Variants in USP48 observed in about 807,000 individuals in gnomAD.
USP48 encodes the protein ubiquitin specific peptidase 48.
Under a neutral mutation model 150.7 loss-of-function variants are expected in USP48, and 43 were observed. That is an observed-to-expected ratio of 0.29 (90% CI 0.22 to 0.37). USP48 has a LOEUF of 0.37. USP48 is among the 10% of genes least tolerant of loss of function. The pLI is 1.00. For missense variants in USP48, 813 were observed against 1,249.6 expected (o/e 0.65, Z 5.27); for synonymous variants, 396 against 425.9 (o/e 0.93, Z 0.86).
At chr1:21,738,524 G>A (rs987240842) in intron 8 of USP48, among the ~76,000 whole-genome samples, 1 of 150,324 alleles carries the variant, frequency 6.7e-6, no homozygotes, top group Non-Finnish European at 1.5e-5. Context: ...GCCTGGCTAA[G>A]TTTTTGTATT....
At chr1:21,707,949 G>C (rs1368711833) in intron 15 of USP48, among the ~76,000 whole-genome samples, 1 of 152,124 alleles carries the variant, frequency 6.6e-6, no homozygotes, top group Non-Finnish European at 1.5e-5. Flanking sequence ...TGGATCACTT[G>C]TCAGGAGTTT....
At chr1:21,708,372 C>T (rs2097679325) in intron 15 of USP48, among the ~76,000 whole-genome samples, 1 of 151,904 alleles carries the variant, frequency 6.6e-6, no homozygotes, top group Admixed American at 6.6e-5. Context: ...GTGGCAGGCA[C>T]CTGTAATCTC....
chr1:21,707,261 C>A (rs1007572241), intron 15 of USP48, among the ~76,000 whole-genome samples: 6 of 152,212 alleles, frequency 3.9e-5, no homozygotes, highest in Non-Finnish European at 8.8e-5. Context: ...TACATCTACT[C>A]CCACACTCAA....
chr1:21,682,636 G>A (rs1571665542), intron 25 of USP48, among the ~76,000 whole-genome samples: 2 of 152,100 alleles, frequency 1.3e-5, no homozygotes, highest in African/African-American at 4.8e-5. Context: ...CAGCACACTG[G>A]GAGGCCGAGG....
At position 21,679,283 on chromosome 1, in the gene USP48, T is replaced by C. The variant is rs1018823123; in HGVS notation, c.*134A>G. 1.4e-5 allele frequency: 16 copies of C among 1,121,580 alleles called. No homozygotes were observed. The African/African-American group carries it at 1.7e-4, about 12-fold the overall frequency. The allele number at this position is 1,121,580 out of a possible 1,614,324, so 69.5% of individuals were successfully genotyped here. On this transcript the variant is annotated 3_prime_UTR_variant, in exon 27 of 27. Transcript: ENST00000308271. ...CATAAGGCATTTGGGACAGTCACGT[T>C]TGAATGGATTTCTGCCTTTTGGAAG...
chr1:21,699,070 C>T lies in USP48; in HGVS notation c.2727+2428G>A, dbSNP rs562532007. Among the ~76,000 whole-genome samples the T allele has an allele frequency of 9.2e-5, 14 of 152,168 alleles. No individual in the cohort carries two copies. The East Asian group carries it at 2.1e-3, about 23-fold the overall frequency. ...ACATGCACAGAGTCTTGCTCTGTCG[C>T]CCAAGCTGGAGTGCAGTGGCACAAT... is the stretch of plus-strand genomic sequence containing the variant. On this transcript the variant is annotated intron_variant, in intron 22 of 26. Coordinates refer to ENST00000308271, the MANE Select transcript of USP48 (RefSeq NM_032236.8).
At chr1:21,743,525 T>C (rs1338569274) in intron 8 of USP48, among the ~76,000 whole-genome samples, 1 of 152,084 alleles carries the variant, frequency 6.6e-6, no homozygotes, top group Non-Finnish European at 1.5e-5. Flanking sequence ...TGGGTTACGC[T>C]GTGGCTGGCA....
At chr1:21,754,566 T>TCCC (rs2152595130) in intron 3 of USP48, among the ~76,000 whole-genome samples, 1 of 152,186 alleles carries the variant, frequency 6.6e-6, no homozygotes, top group South Asian at 2.1e-4. Context: ...TGCAAATACT[T>TCCC]CTCCTTTGCC....
At chr1:21,695,336 G>C in intron 22 of USP48, 115 bp from the exon 23 acceptor site, 1 of 1,106,732 alleles carries the variant, frequency 9.0e-7, no homozygotes, top group Non-Finnish European at 1.2e-6. Flanking sequence ...TTAACTATTT[G>C]AAATTCAATG....
chr1:21,761,950 A>T lies in USP48; in HGVS notation c.135-4167T>A, dbSNP rs1243852142. Among the ~76,000 whole-genome samples, 4 of 152,320 alleles carry T rather than the reference A, an allele frequency of 2.6e-5. No homozygotes were observed. The East Asian group carries it at 7.7e-4, about 29-fold the overall frequency. On this transcript the variant is annotated intron_variant, in intron 1 of 26. Transcript: ENST00000308271. ...GCTTATAACTCATCTCTAATGGGAA[A>T]GGTCTACTATAAGAGAGTTAAAGAA...
chr1:21,779,109 T>C (rs1471587974), intron 1 of USP48, among the ~76,000 whole-genome samples: 1 of 151,956 alleles, frequency 6.6e-6, no homozygotes, highest in East Asian at 1.9e-4. Flanking sequence ...AGCCTCGTGT[T>C]GTGGCATGTG....
At chr1:21,764,465 G>A (rs112401853) in intron 1 of USP48, among the ~76,000 whole-genome samples, 11,284 of 150,480 alleles carry the variant, frequency 0.075, 484 homozygotes, top group Middle Eastern at 0.11. Context: ...CCTGGGCGCA[G>A]TGGGAGGCCG....
At chr1:21,701,042 T>G (rs7553642) in intron 22 of USP48, among the ~76,000 whole-genome samples, 112,084 of 137,194 alleles carry the variant, frequency 0.82, 46,285 homozygotes, top group Admixed American at 0.88. Flanking sequence ...TCCAGCCTGG[T>G]TGACAAGGCT....
intron 21 of USP48, 67 bp downstream of exon 21, chr1:21,703,445 C>T (rs912987795): frequency 7.7e-7 from 1 of 1,299,456 alleles, no homozygotes; most frequent in Non-Finnish European, 1.1e-6. Flanking sequence ...AGTGCAAATA[C>T]AACAGCAAAT....
intron 1 of USP48, among the ~76,000 whole-genome samples, chr1:21,776,592 CAAAAAAAAAAAAAAAA>C (rs59309344): frequency 3.4e-5 from 2 of 57,992 alleles, no homozygotes; most frequent in Non-Finnish European, 2.9e-5. Context: ...TGTCTTGTCT[CAAAAAAAAAAAAAAAA>C]AAAAAAAAAA....
chr1:21,729,618 C>A, intron 10 of USP48, 86 bp downstream of exon 10: 1 of 1,457,188 alleles, frequency 6.9e-7, no homozygotes, highest in Non-Finnish European at 9.3e-7. Flanking sequence ...ATCATAGTAA[C>A]TAAAAGCAAT....
chr1:21,772,657 C>T (rs1238104458), intron 1 of USP48, among the ~76,000 whole-genome samples: 7 of 150,484 alleles, frequency 4.7e-5, no homozygotes, highest in Admixed American at 2.6e-4. Context: ...CGTGGTGGCT[C>T]GCGCCTATAA....
chr1:21,695,647 T>C (rs1264696998), intron 22 of USP48, among the ~76,000 whole-genome samples: 1 of 152,164 alleles, frequency 6.6e-6, no homozygotes, highest in Non-Finnish European at 1.5e-5. Context: ...GGTTCCAGGC[T>C]GCAGTGAGCT....
rs1042157085 is a variant in USP48 at position 21,783,145 on chromosome 1, G to A, written c.-188C>T. On this transcript the variant is annotated 5_prime_UTR_variant, in exon 1 of 27. Coordinates refer to ENST00000308271, the MANE Select transcript of USP48 (RefSeq NM_032236.8). ...CGCCCGCGCCCGACCCGCACGACCG[G>A]CCGCAAAGCGCCGCCGTCGACACCC... is the stretch of plus-strand genomic sequence containing the variant. 4.8e-6 allele frequency: 4 copies of A among 835,552 alleles called. No homozygotes were observed. Among genetic ancestry groups the A allele is most frequent in the Non-Finnish European group, 6.6e-6 (4 of 604,324 alleles). The allele number at this position is 835,552 out of a possible 1,614,324, so 51.8% of individuals were successfully genotyped here. A position where few individuals can be genotyped will look rare whatever the true frequency, so the allele number is the denominator to read the frequency against.
Sources: allele counts gnomAD v4.1 joint callset (sites outside exome capture counted in the v4.1 genomes callset), GRCh38; gene constraint gnomAD v4.1.1; transcripts MANE v1.5; gene names NCBI Gene and HGNC (gene_info 2026-07-23, HGNC 2026-07-21).